VIL1: variants seen among roughly 807,000 people sequenced by gnomAD.
VIL1 encodes villin-1.
VIL1 carries 86 observed loss-of-function variants against 104.0 expected under a neutral mutation model. The observed-to-expected ratio is 0.83, with a 90% CI of 0.69 to 0.99. The LOEUF is 0.99. VIL1 is among the 50% of genes least tolerant of loss of function. The probability of loss-of-function intolerance (pLI) is 0.00; values close to 1 mark genes in which losing one functional copy is unlikely to be tolerated. For missense variants in VIL1, 944 were observed against 1,054.1 expected, an observed-to-expected ratio of 0.90 and a Z score of 1.45; for synonymous variants, 394 against 412.6, an observed-to-expected ratio of 0.95 and a Z score of 0.55.
In VIL1 at chr2:218,429,420, G is replaced by A. The variant is rs35721947; in HGVS notation, c.703G>A (p.Glu235Lys). The A allele has an allele frequency of 3.3e-3, 5,265 of 1,614,122 alleles. 137 individuals carry two copies. In the African/African-American group the frequency reaches 0.057, roughly 17 times the overall value. Residue 235 changes from glutamate (E) to lysine (K), a missense_variant, in exon 7 of 20, where the codon GAG becomes AAG. Transcript: ENST00000248444. ...GAACCACGTGCTGGGCAAGCGCAGG[G>A]AGCTGAAGGCGGCCGTGCCCGACAC... ...VMNHVLGKRR[E>K]LKAAVPDTVV...
chr2:218,437,878 C>A (rs986222716), intron 17 of VIL1, among the ~76,000 whole-genome samples: 5 of 152,150 alleles, frequency 3.3e-5, no homozygotes, highest in Admixed American at 3.3e-4. Flanking sequence ...GGGGCAGATA[C>A]CCACAATGGA....
chr2:218,426,703 G>A (rs954334033), intron 4 of VIL1, among the ~76,000 whole-genome samples: 1 of 151,854 alleles, frequency 6.6e-6, no homozygotes, highest in East Asian at 1.9e-4. Context: ...CCAGGCTCAC[G>A]CCATTCTCCT....
intron 1 of VIL1, among the ~76,000 whole-genome samples, chr2:218,421,755 T>C (rs564826965): frequency 6.6e-5 from 10 of 152,190 alleles, no homozygotes; most frequent in Admixed American, 6.5e-4. Flanking sequence ...AAGTCTCTGC[T>C]CCCCTGAATC....
At chr2:218,447,011 G>A (rs1481807985) in intron 19 of VIL1, among the ~76,000 whole-genome samples, 8 of 152,040 alleles carry the variant, frequency 5.3e-5, no homozygotes, top group South Asian at 4.1e-4. Flanking sequence ...TGATCCACTC[G>A]CCTTGGCCTC....
chr2:218,429,761 G>A (rs1366574874), intron 8 of VIL1, 86 bp downstream of exon 8: 1 of 1,595,946 alleles, frequency 6.3e-7, no homozygotes, highest in African/African-American at 1.3e-5. Context: ...CTTGGGGTGG[G>A]CCTGGGAGGG....
At chr2:218,423,384 G>C (rs541177270) in intron 1 of VIL1, among the ~76,000 whole-genome samples, 1 of 152,260 alleles carries the variant, frequency 6.6e-6, no homozygotes, top group African/African-American at 2.4e-5. Context: ...GACAGAGCGG[G>C]ACTCCATCTC....
chr2:218,424,144 C>T (rs1346327601), intron 2 of VIL1, 133 bp from the exon 3 acceptor site: 3 of 769,884 alleles, frequency 3.9e-6, no homozygotes, highest in Non-Finnish European at 6.4e-6. Flanking sequence ...TTCTTCTCCT[C>T]TCTTCCTTTT....
At chr2:218,441,637 G>GT (rs1183942914) in intron 19 of VIL1, among the ~76,000 whole-genome samples, 10 of 152,088 alleles carry the variant, frequency 6.6e-5, no homozygotes, top group Admixed American at 1.3e-4. Context: ...GTTAAGGATC[G>GT]TATCATGTAT....
In VIL1 at chr2:218,451,143, T is replaced by C. The variant is rs1689467294; in HGVS notation, c.*1807T>C. 1 of 152,206 alleles carries C rather than the reference T, an allele frequency of 6.6e-6. No individual in the cohort carries two copies. Among genetic ancestry groups the C allele is most frequent in the Admixed American group, 6.6e-5 (1 of 15,262 alleles). 9.4% of individuals were successfully genotyped at this position (152,206 alleles called of 1,614,324 possible). A position where few individuals can be genotyped will look rare whatever the true frequency, so the allele number is the denominator to read the frequency against. On this transcript the variant is annotated 3_prime_UTR_variant, in exon 20 of 20. Coordinates refer to ENST00000248444, the MANE Select transcript of VIL1 (RefSeq NM_007127.3). ...ATTTTGAAGTAATGCAATAAAAAGA[T>C]GTTGGAGGGCAGAAGTCTATTTAGT...
rs1221525283 is a variant in VIL1, at chr2:218,440,810, TG to T, written c.2319del (p.Asn774ThrfsTer4). The T allele has an allele frequency of 5.0e-6, 8 of 1,613,980 alleles. No homozygotes were observed. Among genetic ancestry groups the T allele is most frequent in the Non-Finnish European group, 6.8e-6 (8 of 1,180,018 alleles). ...CCCATCTTCCCCCTGGAGCAGCTAG[TG>T]AACAAGCCTGTAGAGGAGCTCCCCG... ...PLPIFPLEQL[V>X]NKPVEELPEG... On this transcript the variant is annotated frameshift_variant, in exon 19 of 20. Transcript: ENST00000248444. LOFTEE classifies it high-confidence loss of function.
At position 218,423,793 on chromosome 2, in the gene VIL1, C is replaced by T. The variant is rs760442431; in HGVS notation, c.15C>T (p.Ser5=). MTKL[S]AQVKGSLNIT... ...GCTCACTCACCATGACCAAGCTGAGCGCCCAAGTCAAAGGCTCTCTCAACA... is the reference window on the plus strand; with the variant it reads ...GCTCACTCACCATGACCAAGCTGAGTGCCCAAGTCAAAGGCTCTCTCAACA... Residue 5 remains serine, a synonymous_variant, in exon 2 of 20, where the codon AGC becomes AGT. Transcript: ENST00000248444. 6 of 1,614,158 alleles carry T rather than the reference C, an allele frequency of 3.7e-6. No individual in the cohort carries two copies. Among genetic ancestry groups the T allele is most frequent in the East Asian group, 2.2e-5 (1 of 44,870 alleles).
intron 14 of VIL1, among the ~76,000 whole-genome samples, chr2:218,435,081 G>A (rs987387094): frequency 2.2e-5 from 3 of 138,556 alleles, no homozygotes; most frequent in Non-Finnish European, 3.3e-5. Context: ...AGTCCCTCTC[G>A]AACCTTGAAA....
chr2:218,424,478 T>C (rs1460080183), intron 3 of VIL1, 127 bp downstream of exon 3: 4 of 919,382 alleles, frequency 4.4e-6, no homozygotes, highest in Non-Finnish European at 5.1e-6. Context: ...TTACTGGGTA[T>C]GCCCAAGTGC....
At chr2:218,436,451 C>T in intron 15 of VIL1, 31 bp from the exon 16 acceptor site, 4 of 1,603,180 alleles carry the variant, frequency 2.5e-6, no homozygotes, top group Non-Finnish European at 2.6e-6. Context: ...CACCTTCCTT[C>T]TGCCAGTACA....
chr2:218,427,571 C>T (rs1025311393), intron 4 of VIL1, among the ~76,000 whole-genome samples: 3 of 152,118 alleles, frequency 2.0e-5, no homozygotes, highest in African/African-American at 7.2e-5. Flanking sequence ...AATGATCTGC[C>T]CACCTCGGCC....
Position 218,431,851 on chromosome 2 carries a change from C to T in VIL1, c.1103-6C>T, listed in dbSNP as rs1335483091. 3 of 1,611,944 alleles carry T rather than the reference C, an allele frequency of 1.9e-6. No homozygotes were observed. Among genetic ancestry groups the T allele is most frequent in the Non-Finnish European group, 2.5e-6 (3 of 1,179,178 alleles). On this transcript the variant is annotated splice_polypyrimidine_tract_variant and splice_region_variant and intron_variant, in intron 10 of 19. Coordinates refer to ENST00000248444, the MANE Select transcript of VIL1 (RefSeq NM_007127.3). ...ACAGTTGGTTTCATGATTTCCCCCA[C>T]TCTAGCCAAAGTGGAACAGGTGAAG...
intron 12 of VIL1, 30 bp downstream of exon 12, chr2:218,432,213 A>G: frequency 6.2e-7 from 1 of 1,604,294 alleles, no homozygotes; most frequent in Non-Finnish European, 8.5e-7. Context: ...CACCCAGAGC[A>G]CAGCCGGCTT....
intron 14 of VIL1, 138 bp downstream of exon 14, chr2:218,434,843 CCA>C (rs770863610): frequency 2.4e-6 from 2 of 845,232 alleles, no homozygotes; most frequent in Non-Finnish European, 3.6e-6. Context: ...CCTCTGGAGC[CCA>C]GTCTCTCCCT....
intron 6 of VIL1, 113 bp downstream of exon 6, chr2:218,428,450 T>G (rs1689040411): frequency 1.1e-6 from 1 of 891,682 alleles, no homozygotes; most frequent in African/African-American, 1.6e-5. Flanking sequence ...TGAAGGTGGC[T>G]CAGTCTCCAT....
Sources: allele counts gnomAD v4.1 joint callset (sites outside exome capture counted in the v4.1 genomes callset), GRCh38; gene constraint gnomAD v4.1.1; transcripts MANE v1.5; gene names NCBI Gene and HGNC (gene_info 2026-07-23, HGNC 2026-07-21).